DPY19L1: variants seen among roughly 807,000 people sequenced by gnomAD.
The protein encoded by DPY19L1 is dpy-19 like C-mannosyltransferase 1, also known as protein C-mannosyl-transferase DPY19L1.
A neutral mutation model predicts 96.9 loss-of-function variants in DPY19L1; 35 were observed. The observed-to-expected ratio is 0.36, with a 90% CI of 0.28 to 0.48. DPY19L1 has a LOEUF of 0.48. DPY19L1 is among the 20% of genes least tolerant of loss of function. The probability of loss-of-function intolerance (pLI) is 0.99; values close to 1 mark genes in which losing one functional copy is unlikely to be tolerated. For synonymous variants in DPY19L1, 205 were observed against 252.6 expected, an observed-to-expected ratio of 0.81 and a Z score of 1.79; for missense variants, 521 against 777.9, an observed-to-expected ratio of 0.67 and a Z score of 3.93.
intron 7 of DPY19L1, among the ~76,000 whole-genome samples, chr7:34,978,631 A>G (rs1784877396): frequency 6.6e-6 from 1 of 152,158 alleles, no homozygotes; most frequent in African/African-American, 2.4e-5. Flanking sequence ...CTGTATCTTG[A>G]TAATAAGTAA....
intron 14 of DPY19L1, among the ~76,000 whole-genome samples, chr7:34,948,339 C>T (rs1784195820): frequency 6.6e-6 from 1 of 152,016 alleles, no homozygotes; most frequent in African/African-American, 2.4e-5. Flanking sequence ...TTTGTTTACT[C>T]CCTTATATAT....
At chr7:35,019,357 C>G (rs955998474) in intron 1 of DPY19L1, among the ~76,000 whole-genome samples, 2 of 152,130 alleles carry the variant, frequency 1.3e-5, no homozygotes, top group African/African-American at 4.8e-5. Flanking sequence ...AGCATCATCT[C>G]GAGCCCAGGA....
chr7:34,974,206 A>G (rs1784785865), intron 7 of DPY19L1, among the ~76,000 whole-genome samples: 1 of 152,206 alleles, frequency 6.6e-6, no homozygotes, highest in Non-Finnish European at 1.5e-5. Context: ...GGACATAATT[A>G]AGCAATGTAC....
chr7:34,935,917 T>A (rs1205731480), intron 21 of DPY19L1, among the ~76,000 whole-genome samples: 1 of 152,118 alleles, frequency 6.6e-6, no homozygotes, highest in Non-Finnish European at 1.5e-5. Flanking sequence ...TGAAGCAGAG[T>A]GGACCTGTCC....
Position 34,929,049 on chromosome 7 carries a change from A to C in DPY19L1, c.*2524T>G, listed in dbSNP as rs1320146711. 1 of 152,108 alleles carries C rather than the reference A, an allele frequency of 6.6e-6. No homozygotes were observed. The highest frequency in any genetic ancestry group is 1.5e-5 in the Non-Finnish European group (1 of 68,018). 9.4% of individuals were successfully genotyped at this position (152,108 alleles called of 1,614,324 possible). A position where few individuals can be genotyped will look rare whatever the true frequency, so the allele number is the denominator to read the frequency against. The stretch of plus-strand genomic sequence containing the variant: ...TTTTAACACTATATTTTTTTTGCCA[A>C]GCATTTTTAGAGGCTTATCTTTTTA... On this transcript the variant is annotated 3_prime_UTR_variant, in exon 22 of 22. Coordinates refer to ENST00000638088, the MANE Select transcript of DPY19L1 (RefSeq NM_001366673.1).
At chr7:35,007,522 T>C (rs1042842561) in intron 6 of DPY19L1, among the ~76,000 whole-genome samples, 1 of 152,116 alleles carries the variant, frequency 6.6e-6, no homozygotes, top group Non-Finnish European at 1.5e-5. Context: ...TAAGCAGTAG[T>C]CTACAGACTT....
intron 1 of DPY19L1, among the ~76,000 whole-genome samples, chr7:35,021,793 A>G (rs1197597030): frequency 6.6e-5 from 10 of 152,182 alleles, no homozygotes. Flanking sequence ...TACTTACCCT[A>G]AAGTATTCCT....
At chr7:34,944,235 C>T (rs367854834) in intron 16 of DPY19L1, among the ~76,000 whole-genome samples, 32 of 151,618 alleles carry the variant, frequency 2.1e-4, no homozygotes, top group East Asian at 1.4e-3. Flanking sequence ...TGGTGGTGGT[C>T]GCCTGTAGTC....
chr7:35,015,932 T>C (rs1222839302), intron 3 of DPY19L1, among the ~76,000 whole-genome samples: 1 of 152,238 alleles, frequency 6.6e-6, no homozygotes, highest in Non-Finnish European at 1.5e-5. Context: ...ATACCTTTGG[T>C]ACTTTTATTC....
chr7:35,011,642 C>T (rs1785714667), intron 4 of DPY19L1, among the ~76,000 whole-genome samples, 192 bp from the exon 5 acceptor site: 1 of 152,106 alleles, frequency 6.6e-6, no homozygotes, highest in Non-Finnish European at 1.5e-5. Flanking sequence ...TTCAATTGTT[C>T]ATCCATGGGT....
At chr7:34,937,135 A>G (rs1051337731) in intron 21 of DPY19L1, among the ~76,000 whole-genome samples, 1 of 152,248 alleles carries the variant, frequency 6.6e-6, no homozygotes, top group African/African-American at 2.4e-5. Flanking sequence ...TTAGATTCAC[A>G]TCTGCTTTGA....
intron 7 of DPY19L1, among the ~76,000 whole-genome samples, chr7:34,983,026 A>T (rs1188155976): frequency 6.6e-6 from 1 of 152,248 alleles, no homozygotes; most frequent in Non-Finnish European, 1.5e-5. Flanking sequence ...CAAAGAAAAA[A>T]GAAATCACTG....
At chr7:35,007,063 G>A (rs973890655) in intron 6 of DPY19L1, among the ~76,000 whole-genome samples, 1 of 151,988 alleles carries the variant, frequency 6.6e-6, no homozygotes, top group African/African-American at 2.4e-5. Context: ...TTACAAGGGT[G>A]ACTAACCATC....
intron 1 of DPY19L1, among the ~76,000 whole-genome samples, chr7:35,031,203 C>A (rs1262388693): frequency 2.0e-5 from 3 of 152,176 alleles, no homozygotes; most frequent in African/African-American, 7.2e-5. Flanking sequence ...CAACCAACCT[C>A]AGATTGAAAA....
At chr7:35,006,901 G>A (rs1438354791) in intron 6 of DPY19L1, among the ~76,000 whole-genome samples, 1 of 152,136 alleles carries the variant, frequency 6.6e-6, no homozygotes, top group Non-Finnish European at 1.5e-5. Flanking sequence ...CAATCTGCCT[G>A]CAAATTTCTA....
intron 8 of DPY19L1, among the ~76,000 whole-genome samples, chr7:34,972,071 C>T (rs959213380): frequency 2.6e-5 from 4 of 152,178 alleles, no homozygotes; most frequent in African/African-American, 9.7e-5. Flanking sequence ...TCTACCATTG[C>T]TGGTTTTGAA....
chr7:35,019,490 A>G (rs1584259509), intron 1 of DPY19L1, among the ~76,000 whole-genome samples: 6 of 152,088 alleles, frequency 3.9e-5, no homozygotes, highest in African/African-American at 1.4e-4. Flanking sequence ...AAGAAGTAGG[A>G]GGAAGAAGAA....
At chr7:34,982,500 C>T (rs1417413266) in intron 7 of DPY19L1, among the ~76,000 whole-genome samples, 1 of 151,970 alleles carries the variant, frequency 6.6e-6, no homozygotes, top group Non-Finnish European at 1.5e-5. Context: ...AATAAAAAGC[C>T]GGAGAAAAAA....
intron 7 of DPY19L1, among the ~76,000 whole-genome samples, chr7:34,979,092 C>G (rs1562814474): frequency 6.6e-6 from 1 of 152,034 alleles, no homozygotes; most frequent in Non-Finnish European, 1.5e-5. Context: ...CTTTTTGTCT[C>G]TGAAAATCTA....
Sources: allele counts gnomAD v4.1 joint callset (sites outside exome capture counted in the v4.1 genomes callset), GRCh38; gene constraint gnomAD v4.1.1; transcripts MANE v1.5; gene names NCBI Gene and HGNC (gene_info 2026-07-23, HGNC 2026-07-21).